The following AHI1 variants were observed in gnomAD, a reference collection of about 807,000 sequenced individuals.
AHI1 encodes Abelson helper integration site 1, also known as jouberin.
Under a neutral mutation model 149.3 loss-of-function variants are expected in AHI1, and 123 were observed. That is an observed-to-expected ratio of 0.82 (90% CI 0.71 to 0.96). The LOEUF (loss-of-function observed/expected upper bound fraction) is 0.96. Ranked by LOEUF, AHI1 falls within the 40% of genes least tolerant of loss-of-function variation. AHI1 has a pLI of 0.00. For missense variants in AHI1, 1,439 were observed against 1,422.7 expected (o/e 1.01, Z -0.18); for synonymous variants, 475 against 459.8 (o/e 1.03, Z -0.42).
At chr6:135,388,169 A>T in intron 23 of AHI1, 3 of 946,276 alleles carry the variant, frequency 3.2e-6, no homozygotes, top group Non-Finnish European at 4.7e-6. Flanking sequence ...AATCTACAAT[A>T]GTGAATTAAT....
At chr6:135,406,021 T>G (rs1780748445) in intron 21 of AHI1, among the ~76,000 whole-genome samples, 1 of 151,954 alleles carries the variant, frequency 6.6e-6, no homozygotes, top group Non-Finnish European at 1.5e-5. Flanking sequence ...AAAAAAGAAC[T>G]GAAAAAAATA....
chr6:135,299,756 A>G (rs1783613961), intron 27 of AHI1, among the ~76,000 whole-genome samples: 1 of 152,180 alleles, frequency 6.6e-6, no homozygotes, highest in Non-Finnish European at 1.5e-5. Flanking sequence ...TAAATACTTC[A>G]AAATAAATTA....
At chr6:135,306,685 G>GC (rs1027209677) in intron 26 of AHI1, 2 of 152,144 alleles carry the variant, frequency 1.3e-5, no homozygotes, top group African/African-American at 4.8e-5. Flanking sequence ...AACTTGTTGT[G>GC]CCCCCACCAA....
intron 27 of AHI1, among the ~76,000 whole-genome samples, chr6:135,295,373 C>T (rs1282658932): frequency 6.6e-6 from 1 of 152,112 alleles, no homozygotes; most frequent in Non-Finnish European, 1.5e-5. Context: ...AAGCATAAAC[C>T]AACTATATAG....
intron 26 of AHI1, chr6:135,301,683 G>C: frequency 1.0e-6 from 1 of 985,404 alleles, no homozygotes; most frequent in South Asian, 4.7e-5. Flanking sequence ...GAGACTTTTT[G>C]GTGAAAGGTG....
chr6:135,374,771 A>G (rs1228886068), intron 23 of AHI1, among the ~76,000 whole-genome samples: 3 of 152,218 alleles, frequency 2.0e-5, no homozygotes, highest in Admixed American at 6.5e-5. Context: ...GAAAAACACA[A>G]AAGTCCAGGT....
chr6:135,439,852 G>T (rs923577553), intron 14 of AHI1, among the ~76,000 whole-genome samples: 1 of 152,016 alleles, frequency 6.6e-6, no homozygotes, highest in Non-Finnish European at 1.5e-5. Context: ...ATACCCTATG[G>T]AAAAAGAGGG....
chr6:135,370,241 C>A (rs779973057), intron 23 of AHI1, among the ~76,000 whole-genome samples: 10 of 152,078 alleles, frequency 6.6e-5, no homozygotes, highest in Non-Finnish European at 1.5e-4. Flanking sequence ...TGGGACTGGG[C>A]TGTTGCTTAG....
At chr6:135,477,285 T>C (rs1449817042) in intron 5 of AHI1, among the ~76,000 whole-genome samples, 5 of 152,030 alleles carry the variant, frequency 3.3e-5, no homozygotes, top group African/African-American at 1.2e-4. Flanking sequence ...CGTGATCCAC[T>C]CGCCTCGGCC....
At chr6:135,456,638 A>G (rs1201521883) in intron 9 of AHI1, among the ~76,000 whole-genome samples, 1 of 152,008 alleles carries the variant, frequency 6.6e-6, no homozygotes, top group Non-Finnish European at 1.5e-5. Context: ...TGTGTGCCCT[A>G]AGGCAAATGA....
chr6:135,390,422 T>C (rs1008777402), intron 23 of AHI1, among the ~76,000 whole-genome samples: 1 of 152,090 alleles, frequency 6.6e-6, no homozygotes, highest in African/African-American at 2.4e-5. Flanking sequence ...TATTATTACT[T>C]TGCAATATAT....
At chr6:135,301,112 C>T in intron 26 of AHI1, 1 of 985,304 alleles carries the variant, frequency 1.0e-6, no homozygotes, top group Non-Finnish European at 1.2e-6. Context: ...GCATCGGATA[C>T]TTCCTTTAGA....
At chr6:135,426,220 C>T (rs1783894301) in intron 20 of AHI1, among the ~76,000 whole-genome samples, 1 of 151,638 alleles carries the variant, frequency 6.6e-6, no homozygotes, top group Non-Finnish European at 1.5e-5. Context: ...TACTGTGTTG[C>T]TTGGCAATTC....
chr6:135,399,380 T>C (rs1238531023), intron 22 of AHI1, among the ~76,000 whole-genome samples: 1 of 152,134 alleles, frequency 6.6e-6, no homozygotes, highest in Non-Finnish European at 1.5e-5. Context: ...TATATCTGAA[T>C]CCTTCAGTCT....
At chr6:135,323,119 G>T (rs1047783658) in intron 25 of AHI1, 43 bp downstream of exon 25, 2 of 1,557,986 alleles carry the variant, frequency 1.3e-6, no homozygotes, top group Non-Finnish European at 1.7e-6. Flanking sequence ...TGGACTATCA[G>T]TTATACCATA....
intron 3 of AHI1, among the ~76,000 whole-genome samples, chr6:135,493,192 T>C (rs915793793): frequency 1.7e-4 from 26 of 152,122 alleles, no homozygotes; most frequent in African/African-American, 6.0e-4. Context: ...AGAGACAGGG[T>C]TTCATCATGT....
intron 15 of AHI1, among the ~76,000 whole-genome samples, chr6:135,437,278 C>T (rs1174321835): frequency 1.3e-5 from 2 of 152,206 alleles, no homozygotes; most frequent in South Asian, 2.1e-4. Flanking sequence ...GATTCCTCAG[C>T]AGAGATGACA....
At chr6:135,446,757 T>C (rs1474456739) in intron 13 of AHI1, among the ~76,000 whole-genome samples, 1 of 152,186 alleles carries the variant, frequency 6.6e-6, no homozygotes, top group African/African-American at 2.4e-5. Flanking sequence ...CAGTCAGTGG[T>C]ATTTTGTTAT....
chr6:135,457,246 G>A (rs1445673839), intron 9 of AHI1, among the ~76,000 whole-genome samples: 3 of 152,160 alleles, frequency 2.0e-5, no homozygotes, highest in Admixed American at 6.5e-5. Context: ...ATTGAGCACT[G>A]CATTCCAGCC....
Sources: gnomAD v4.1 joint callset for allele counts (sites outside exome capture counted in the v4.1 genomes callset) on GRCh38, gnomAD v4.1.1 for gene constraint, MANE v1.5 for transcripts, NCBI Gene and HGNC (gene_info 2026-07-23, HGNC 2026-07-21) for gene names.